The following POLR1A variants were observed in gnomAD, a reference collection of about 807,000 sequenced individuals.
The protein encoded by POLR1A is RNA polymerase I subunit A.
A neutral mutation model predicts 205.3 loss-of-function variants in POLR1A; 84 were observed. The observed-to-expected ratio is 0.41, with a 90% CI of 0.34 to 0.49. The LOEUF (loss-of-function observed/expected upper bound fraction) is 0.49. POLR1A is among the 20% of genes least tolerant of loss of function. The pLI, the probability that POLR1A is intolerant of heterozygous loss-of-function variation, is 0.22. For missense variants in POLR1A, 1,645 were observed against 2,204.5 expected (o/e 0.75, Z 5.08); for synonymous variants, 799 against 863.7 (o/e 0.93, Z 1.31).
intron 14 of POLR1A, among the ~76,000 whole-genome samples, chr2:86,062,890 G>A (rs1052338742): frequency 6.6e-6 from 1 of 152,066 alleles, no homozygotes; most frequent in African/African-American, 2.4e-5. Context: ...GGTCAACAAA[G>A]GAGCATTATG....
chr2:86,060,850 GA>G (rs1395689472), intron 14 of POLR1A, among the ~76,000 whole-genome samples: 1 of 152,144 alleles, frequency 6.6e-6, no homozygotes, highest in African/African-American at 2.4e-5. Flanking sequence ...CTGATCATTA[GA>G]AAACAGTATT....
At chr2:86,039,186 C>A (rs548551332) in intron 26 of POLR1A, 141 bp downstream of exon 26, 9 of 908,736 alleles carry the variant, frequency 9.9e-6, no homozygotes, top group East Asian at 2.4e-5. Context: ...CTGCTCAGCA[C>A]CTGGCAGAGA....
intron 9 of POLR1A, among the ~76,000 whole-genome samples, chr2:86,079,492 T>C (rs1673357193): frequency 6.6e-6 from 1 of 151,924 alleles, no homozygotes; most frequent in Non-Finnish European, 1.5e-5. Context: ...CAGTGGGACA[T>C]AGGAATCAGA....
chr2:86,105,463 C>T (rs1053204311), intron 1 of POLR1A, among the ~76,000 whole-genome samples: 1 of 152,136 alleles, frequency 6.6e-6, no homozygotes, highest in Non-Finnish European at 1.5e-5. Flanking sequence ...CAGGACCCTC[C>T]CCACCCTTAT....
chr2:86,039,967 C>A, intron 25 of POLR1A: 1 of 191,714 alleles, frequency 5.2e-6, no homozygotes, highest in Non-Finnish European at 1.1e-5. Flanking sequence ...TGACCCCACA[C>A]TCATTCCCCT....
intron 28 of POLR1A, 25 bp downstream of exon 28, chr2:86,033,636 T>C: frequency 6.2e-7 from 1 of 1,610,052 alleles, no homozygotes; most frequent in Non-Finnish European, 8.5e-7. Flanking sequence ...TGTGCAACTC[T>C]AGTGACCCCC....
chr2:86,050,179 G>A (rs1436116852), intron 16 of POLR1A, among the ~76,000 whole-genome samples: 2 of 152,134 alleles, frequency 1.3e-5, no homozygotes, highest in Non-Finnish European at 2.9e-5. Context: ...GCCTCCCAAA[G>A]TGCTGGGATT....
intron 16 of POLR1A, among the ~76,000 whole-genome samples, chr2:86,050,028 C>T (rs1285427431): frequency 6.6e-6 from 1 of 152,112 alleles, no homozygotes; most frequent in Non-Finnish European, 1.5e-5. Flanking sequence ...AGTGATTCTC[C>T]TGCCTCAGCC....
chr2:86,053,657 CTG>C (rs909855355), intron 15 of POLR1A, among the ~76,000 whole-genome samples: 3 of 152,164 alleles, frequency 2.0e-5, no homozygotes, highest in African/African-American at 7.2e-5. Flanking sequence ...CATTAAGACT[CTG>C]TGATAACGCG....
chr2:86,063,062 G>A (rs776596433), intron 14 of POLR1A, among the ~76,000 whole-genome samples: 11 of 152,220 alleles, frequency 7.2e-5, no homozygotes, highest in South Asian at 2.1e-4. Flanking sequence ...CAGGTTGGGC[G>A]CGGTGGCTCA....
intron 14 of POLR1A, among the ~76,000 whole-genome samples, chr2:86,061,749 G>A (rs1164059311): frequency 1.3e-5 from 2 of 152,172 alleles, no homozygotes; most frequent in Non-Finnish European, 2.9e-5. Context: ...CACAAAGATA[G>A]ATTTCATTTA....
rs200762493 is a variant in POLR1A at position 86,028,094 on chromosome 2, C to A, written c.4898-45G>T. ...ATTAGGAGGGATTAAGCAGTGACCA[C>A]GGGAGCAGTCAGCAGACACAAGCCA... On this transcript the variant is annotated intron_variant, in intron 32 of 33. Transcript: ENST00000263857. This position sits in a 1 kb window ranked among gnomAD's most constrained non-coding sequence, Gnocchi z 4.5. 31 of 1,596,150 alleles carry A rather than the reference C, an allele frequency of 1.9e-5. No homozygotes were observed. Among genetic ancestry groups the A allele is most frequent in the Non-Finnish European group, 2.4e-5 (28 of 1,164,672 alleles).
chr2:86,028,601 G>T lies in POLR1A; in HGVS notation c.4890C>A (p.Ala1630=). 6.2e-7 allele frequency: 1 copy of T among 1,612,470 alleles called. No individual in the cohort carries two copies. The highest frequency in any genetic ancestry group is 2.2e-5 in the East Asian group (1 of 44,880). The change falls in exon 32 of 34, where the codon GCC becomes GCA. Residue 1630 remains alanine (A), a synonymous_variant. Coordinates refer to ENST00000263857, the MANE Select transcript of POLR1A (RefSeq NM_015425.6). The surrounding 1 kb of genome is among the most constrained non-coding windows in gnomAD (Gnocchi z 4.5). ...TCTGCAAGCTCCCCTTACCATACAC[G>T]GCAAACACATCCTTGATCTCCTTCT... is the stretch of plus-strand genomic sequence containing the variant. ...VIEKEIKDVF[A]VYGIAVDPRH...
At chr2:86,035,295 G>A (rs1573802917) in intron 27 of POLR1A, among the ~76,000 whole-genome samples, 1 of 152,216 alleles carries the variant, frequency 6.6e-6, no homozygotes. Context: ...GAACAGGATA[G>A]CCAGATGAGA....
At chr2:86,029,417 T>C (rs1018789726) in intron 31 of POLR1A, among the ~76,000 whole-genome samples, 1 of 151,912 alleles carries the variant, frequency 6.6e-6, no homozygotes, top group African/African-American at 2.4e-5. Flanking sequence ...GGAGAGTTGG[T>C]GAAGTGGGAG....
At chr2:86,079,498 T>C (rs746307595) in intron 9 of POLR1A, among the ~76,000 whole-genome samples, 4 of 152,046 alleles carry the variant, frequency 2.6e-5, no homozygotes, top group Non-Finnish European at 5.9e-5. Flanking sequence ...GACATAGGAA[T>C]CAGAGGATGC....
chr2:86,095,291 C>G (rs1673684389), intron 3 of POLR1A, among the ~76,000 whole-genome samples: 1 of 152,070 alleles, frequency 6.6e-6, no homozygotes. Flanking sequence ...TTCTATGTGA[C>G]AAGAAATAAG....
chr2:86,083,017 T>G, intron 7 of POLR1A, 65 bp downstream of exon 7: 2 of 1,184,816 alleles, frequency 1.7e-6, no homozygotes, highest in Non-Finnish European at 2.5e-6. Context: ...TAAGGCAGGG[T>G]TAATGAGTCC....
At position 86,043,064 on chromosome 2, in the gene POLR1A, G is replaced by A. The variant is rs1672646333; in HGVS notation, c.3267C>T (p.Phe1089=). 2 of 1,614,092 alleles carry A rather than the reference G, an allele frequency of 1.2e-6. No homozygotes were observed. Among genetic ancestry groups the A allele is most frequent in the South Asian group, 1.1e-5 (1 of 91,090 alleles). ...HPNTLLRRGA[F]LSYSQKIQEA... ...CCTGAATTTTCTGGGAATAACTCAA[G>A]AAGGCGCCTCTTCTCAGCAGGGTGT... The change falls in exon 23 of 34, where the codon TTC becomes TTT. Residue 1089 remains phenylalanine, a synonymous_variant. Coordinates refer to ENST00000263857, the MANE Select transcript of POLR1A (RefSeq NM_015425.6).
Sources: allele counts gnomAD v4.1 joint callset (sites outside exome capture counted in the v4.1 genomes callset), GRCh38; gene constraint gnomAD v4.1.1; non-coding constraint Gnocchi (gnomAD v3.1); transcripts MANE v1.5; gene names NCBI Gene and HGNC (gene_info 2026-07-23, HGNC 2026-07-21).